Variants in HS3ST4 observed in about 807,000 individuals in gnomAD.
HS3ST4 encodes heparan sulfate glucosamine 3-O-sulfotransferase 4.
In HS3ST4, 17 loss-of-function variants were observed where a neutral mutation model predicts 29.2. That is an observed-to-expected ratio of 0.58 (90% CI 0.40 to 0.87). HS3ST4 has a LOEUF of 0.87. Ranked by LOEUF, HS3ST4 falls within the 40% of genes least tolerant of loss-of-function variation. HS3ST4 has a pLI of 0.00. For synonymous variants in HS3ST4, 314 were observed against 285.7 expected (o/e 1.10, Z -1.00); for missense variants, 627 against 634.5 (o/e 0.99, Z 0.13).
At chr16:25,864,572 G>T (rs1046349006) in intron 1 of HS3ST4, among the ~76,000 whole-genome samples, 14 of 151,938 alleles carry the variant, frequency 9.2e-5, no homozygotes, top group Middle Eastern at 6.8e-3. Flanking sequence ...TTTCCCCTGG[G>T]AACTGCCACT....
chr16:25,861,830 C>T (rs1049783508), intron 1 of HS3ST4, among the ~76,000 whole-genome samples: 1 of 152,214 alleles, frequency 6.6e-6, no homozygotes. Flanking sequence ...TTTACATGAG[C>T]AAAGTTATAC....
chr16:25,852,582 T>C (rs889905458), intron 1 of HS3ST4, among the ~76,000 whole-genome samples: 5 of 152,030 alleles, frequency 3.3e-5, no homozygotes, highest in African/African-American at 1.2e-4. Flanking sequence ...TTTTTTTTCT[T>C]TTAAAAGCTC....
chr16:25,731,222 T>C (rs997734558), intron 1 of HS3ST4, among the ~76,000 whole-genome samples: 1 of 152,232 alleles, frequency 6.6e-6, no homozygotes, highest in African/African-American at 2.4e-5. Context: ...GGAGGTCAGA[T>C]TGAAATGTCA....
At chr16:25,709,195 C>A (rs1033146345) in intron 1 of HS3ST4, among the ~76,000 whole-genome samples, 3 of 152,046 alleles carry the variant, frequency 2.0e-5, no homozygotes, top group Non-Finnish European at 4.4e-5. Flanking sequence ...AACTTCTCTC[C>A]TTGTGGCTGT....
At chr16:25,938,398 T>C (rs1372351216) in intron 1 of HS3ST4, among the ~76,000 whole-genome samples, 1 of 152,090 alleles carries the variant, frequency 6.6e-6, no homozygotes, top group African/African-American at 2.4e-5. Flanking sequence ...ATTGTCTTTT[T>C]AGGAAAAAAA....
intron 1 of HS3ST4, among the ~76,000 whole-genome samples, chr16:26,015,382 C>T (rs975439199): frequency 2.0e-5 from 3 of 152,216 alleles, no homozygotes; most frequent in Non-Finnish European, 4.4e-5. Context: ...TGCAGAGCTT[C>T]TGTCATTTTT....
chr16:26,133,013 C>T (rs567581926), intron 1 of HS3ST4, among the ~76,000 whole-genome samples: 7 of 152,286 alleles, frequency 4.6e-5, no homozygotes, highest in Non-Finnish European at 2.9e-5. Flanking sequence ...TTGTTGGACA[C>T]CAGCCTCCAG....
At chr16:26,119,977 T>TC (rs1899250462) in intron 1 of HS3ST4, among the ~76,000 whole-genome samples, 1 of 151,800 alleles carries the variant, frequency 6.6e-6, no homozygotes, top group Non-Finnish European at 1.5e-5. Flanking sequence ...GGGTGGGGGA[T>TC]TGCTAGATGA....
At chr16:26,131,399 C>T (rs1389726544) in intron 1 of HS3ST4, among the ~76,000 whole-genome samples, 2 of 152,246 alleles carry the variant, frequency 1.3e-5, no homozygotes, top group Non-Finnish European at 2.9e-5. Context: ...CCTCCATAGT[C>T]TATTCCCTGT....
At chr16:25,794,722 T>A (rs1046404075) in intron 1 of HS3ST4, among the ~76,000 whole-genome samples, 4 of 152,080 alleles carry the variant, frequency 2.6e-5, no homozygotes, top group Non-Finnish European at 5.9e-5. Context: ...TTAGGTGTAA[T>A]TGTTTTCTAT....
chr16:25,958,492 G>A lies in HS3ST4; in HGVS notation c.735-177120G>A, dbSNP rs374762412. On this transcript the variant is annotated intron_variant, in intron 1 of 1. Transcript: ENST00000331351. The stretch of plus-strand genomic sequence containing the variant: ...ACTACAGGCGTGCACCACCACACCC[G>A]GCTAATTTTTGTATTTTTAGTAGAG... 6.6e-4 allele frequency among the ~76,000 whole-genome samples: 101 copies of A among 151,954 alleles called. 3 individuals are homozygous for A. The highest frequency in any genetic ancestry group is 7.7e-4 in the East Asian group (4 of 5,182).
chr16:25,911,477 G>A lies in HS3ST4; in HGVS notation c.734+218326G>A, dbSNP rs539358353. 2.7e-5 allele frequency among the ~76,000 whole-genome samples: 4 copies of A among 150,822 alleles called. No homozygotes were observed. In the East Asian group the frequency reaches 7.8e-4, roughly 29 times the overall value. ...CAGCATCTGGCAGAGTGCAGAGGGAGGTGGTGTTCCGTTGTGTGGTTTTTT... is the reference window on the plus strand; with the variant it reads ...CAGCATCTGGCAGAGTGCAGAGGGAAGTGGTGTTCCGTTGTGTGGTTTTTT... On this transcript the variant is annotated intron_variant, in intron 1 of 1. Transcript: ENST00000331351.
intron 1 of HS3ST4, among the ~76,000 whole-genome samples, chr16:25,741,819 G>A (rs1193179982): frequency 6.6e-6 from 1 of 152,078 alleles, no homozygotes; most frequent in East Asian, 1.9e-4. Context: ...AGGCTCAGAG[G>A]GATGGAGTCA....
intron 1 of HS3ST4, among the ~76,000 whole-genome samples, chr16:26,062,540 C>T (rs56322451): frequency 0.15 from 23,515 of 151,986 alleles, 1,938 homozygotes; most frequent in Non-Finnish European, 0.17. Flanking sequence ...GGCCCGATGC[C>T]TGCATCCTTG....
chr16:25,830,280 C>CG (rs1349229327), intron 1 of HS3ST4, among the ~76,000 whole-genome samples: 5 of 152,216 alleles, frequency 3.3e-5, no homozygotes, highest in Non-Finnish European at 5.9e-5. Context: ...GCACGTTTCA[C>CG]GATGCCACAT....
At chr16:25,805,872 C>T (rs577946227) in intron 1 of HS3ST4, among the ~76,000 whole-genome samples, 4 of 152,174 alleles carry the variant, frequency 2.6e-5, no homozygotes, top group Admixed American at 2.0e-4. Flanking sequence ...CACTCCCCGA[C>T]GGGCCCCATT....
intron 1 of HS3ST4, among the ~76,000 whole-genome samples, chr16:26,072,099 C>T (rs1898609993): frequency 6.6e-6 from 1 of 152,192 alleles, no homozygotes; most frequent in Non-Finnish European, 1.5e-5. Context: ...AGCAGAGAGT[C>T]ATGTGAAACT....
At chr16:25,887,230 G>A (rs1967962771) in intron 1 of HS3ST4, among the ~76,000 whole-genome samples, 1 of 152,170 alleles carries the variant, frequency 6.6e-6, no homozygotes, top group African/African-American at 2.4e-5. Context: ...GGCAGAAGCG[G>A]ACACTGAGGC....
chr16:26,094,139 T>C (rs1898894117), intron 1 of HS3ST4, among the ~76,000 whole-genome samples: 1 of 152,178 alleles, frequency 6.6e-6, no homozygotes, highest in African/African-American at 2.4e-5. Context: ...TACGTTTGAT[T>C]GGTGTACCTG....
Sources: allele counts gnomAD v4.1 joint callset (sites outside exome capture counted in the v4.1 genomes callset), GRCh38; gene constraint gnomAD v4.1.1; transcripts MANE v1.5; gene names NCBI Gene and HGNC (gene_info 2026-07-23, HGNC 2026-07-21).